Variants in PITPNC1 observed in about 807,000 individuals in gnomAD.
PITPNC1 encodes phosphatidylinositol transfer protein cytoplasmic 1.
A neutral mutation model predicts 44.7 loss-of-function variants in PITPNC1; 18 were observed. That is an observed-to-expected ratio of 0.40 (90% confidence interval 0.28 to 0.60). The LOEUF is 0.60. Ranked by LOEUF, PITPNC1 falls within the 20% of genes least tolerant of loss-of-function variation. PITPNC1 has a pLI of 0.39. For missense variants in PITPNC1, 290 were observed against 418.4 expected (o/e 0.69, Z 2.68); for synonymous variants, 141 against 149.6 (o/e 0.94, Z 0.42).
At chr17:67,391,712 C>G (rs113471136) in intron 1 of PITPNC1, among the ~76,000 whole-genome samples, 4,835 of 152,170 alleles carry the variant, frequency 0.032, 254 homozygotes, top group African/African-American at 0.11. Context: ...AACTCCTGAC[C>G]TCAGGTGATC....
intron 5 of PITPNC1, among the ~76,000 whole-genome samples, chr17:67,595,871 G>A (rs557477370): frequency 1.3e-5 from 2 of 152,152 alleles, no homozygotes; most frequent in South Asian, 4.2e-4. Flanking sequence ...GTAAAGACAT[G>A]GTCATAAATA....
intron 1 of PITPNC1, among the ~76,000 whole-genome samples, chr17:67,507,106 A>T (rs1217358834): frequency 6.6e-6 from 1 of 152,188 alleles, no homozygotes; most frequent in African/African-American, 2.4e-5. Context: ...AGTCACTGTG[A>T]CCTCTTAGAA....
chr17:67,569,225 T>C (rs1183255496), intron 4 of PITPNC1, among the ~76,000 whole-genome samples: 1 of 152,244 alleles, frequency 6.6e-6, no homozygotes, highest in Non-Finnish European at 1.5e-5. Context: ...GTGTTTCTTA[T>C]TGCCATAGCA....
chr17:67,602,056 G>T (rs2041547307), intron 5 of PITPNC1, among the ~76,000 whole-genome samples: 1 of 152,162 alleles, frequency 6.6e-6, no homozygotes, highest in Non-Finnish European at 1.5e-5. Context: ...GAAAGTCTTG[G>T]CAGTGTGGTG....
chr17:67,446,609 G>C (rs2039099326), intron 1 of PITPNC1, among the ~76,000 whole-genome samples: 1 of 151,450 alleles, frequency 6.6e-6, no homozygotes, highest in Non-Finnish European at 1.5e-5. Flanking sequence ...GGAGGACAAA[G>C]AGAGATACTT....
intron 1 of PITPNC1, among the ~76,000 whole-genome samples, chr17:67,439,575 G>C (rs1412634349): frequency 6.6e-6 from 1 of 152,082 alleles, no homozygotes; most frequent in Non-Finnish European, 1.5e-5. Flanking sequence ...TTGGGCGGGG[G>C]CCTGACATTA....
chr17:67,617,266 G>A (rs1346887654), intron 5 of PITPNC1, among the ~76,000 whole-genome samples: 1 of 152,224 alleles, frequency 6.6e-6, no homozygotes, highest in African/African-American at 2.4e-5. Context: ...AGCACTTCGG[G>A]AGGCCGAGGT....
rs1371074544 is a variant in PITPNC1, at chr17:67,694,670, T to G, written c.*1782T>G. The G allele has an allele frequency of 3.3e-5, 5 of 152,230 alleles. No individual in the cohort carries two copies. Among genetic ancestry groups the G allele is most frequent in the Non-Finnish European group, 5.9e-5 (4 of 68,034 alleles). The allele number at this position is 152,230 out of a possible 1,614,324, so 9.4% of individuals were successfully genotyped here. On this transcript the variant is annotated 3_prime_UTR_variant, in exon 9 of 9. Coordinates refer to ENST00000581322, the MANE Select transcript of PITPNC1 (RefSeq NM_012417.4). Reference sequence around the variant, plus strand: ...CAAAGGAAACCTGTTGCAAATAGCTTAGATCAACAGTGTATCTCTTCCCTA... The same window carrying G: ...CAAAGGAAACCTGTTGCAAATAGCTGAGATCAACAGTGTATCTCTTCCCTA...
At chr17:67,507,541 C>T (rs1023219781) in intron 1 of PITPNC1, among the ~76,000 whole-genome samples, 2 of 151,710 alleles carry the variant, frequency 1.3e-5, no homozygotes. Flanking sequence ...AAAAATTAGC[C>T]AGGCGTGGTG....
chr17:67,423,151 T>C (rs76144163), intron 1 of PITPNC1, among the ~76,000 whole-genome samples: 29 of 152,326 alleles, frequency 1.9e-4, no homozygotes, highest in Admixed American at 6.5e-4. Context: ...GTCTGCGTTA[T>C]TAACTTGTTC....
chr17:67,390,631 G>A (rs948738901), intron 1 of PITPNC1, among the ~76,000 whole-genome samples: 2 of 152,150 alleles, frequency 1.3e-5, no homozygotes, highest in African/African-American at 4.8e-5. Flanking sequence ...TCTAAGGGTG[G>A]CTAACTGGCT....
At chr17:67,598,319 AT>A (rs2041486766) in intron 5 of PITPNC1, among the ~76,000 whole-genome samples, 1 of 152,220 alleles carries the variant, frequency 6.6e-6, no homozygotes, top group African/African-American at 2.4e-5. Context: ...GGATGGAGCA[AT>A]TAGCTCAGTG....
At chr17:67,682,362 T>A (rs2042725855) in intron 8 of PITPNC1, among the ~76,000 whole-genome samples, 1 of 152,138 alleles carries the variant, frequency 6.6e-6, no homozygotes, top group South Asian at 2.1e-4. Flanking sequence ...GACCAGAGCC[T>A]CTTTGCCAAA....
At chr17:67,593,296 CTTTT>C (rs922424785) in intron 5 of PITPNC1, among the ~76,000 whole-genome samples, 1 of 138,278 alleles carries the variant, frequency 7.2e-6, no homozygotes, top group Non-Finnish European at 1.6e-5. Context: ...GAAATTTTCT[CTTTT>C]TTTTTTTTTT....
Position 67,463,306 on chromosome 17 carries a change from GT to G in PITPNC1, c.49-69487del, listed in dbSNP as rs543896463. Among the ~76,000 whole-genome samples, 1,153 of 151,690 alleles carry G rather than the reference GT, an allele frequency of 7.6e-3. 14 individuals carry two copies. Among genetic ancestry groups the G allele is most frequent in the African/African-American group, 0.025 (1,024 of 41,374 alleles). ...GGGATTGAAAGCTTGATTTTGATCAGTTTTTTTTTAAACTTATGTGCATTAT... is the reference window on the plus strand; with the variant it reads ...GGGATTGAAAGCTTGATTTTGATCAGTTTTTTTTAAACTTATGTGCATTAT... On this transcript the variant is annotated intron_variant, in intron 1 of 8. Transcript: ENST00000581322.
chr17:67,678,923 G>C (rs1488849416), intron 8 of PITPNC1, among the ~76,000 whole-genome samples: 1 of 152,196 alleles, frequency 6.6e-6, no homozygotes, highest in East Asian at 1.9e-4. Flanking sequence ...GTCTAGCACT[G>C]GTTCTCAAAG....
chr17:67,553,731 A>G (rs2570046), intron 4 of PITPNC1, 114 bp downstream of exon 4: 370,393 of 448,298 alleles, frequency 0.83, 153,402 homozygotes, highest in African/African-American at 0.91. Flanking sequence ...GAATAATTCC[A>G]AGTCAGAAAT....
intron 1 of PITPNC1, among the ~76,000 whole-genome samples, chr17:67,469,603 G>C (rs1465554848): frequency 6.6e-6 from 1 of 152,132 alleles, no homozygotes; most frequent in Non-Finnish European, 1.5e-5. Flanking sequence ...CGTCAGACCC[G>C]TGGGAGTTCA....
At chr17:67,589,438 C>G (rs2041362028) in intron 5 of PITPNC1, among the ~76,000 whole-genome samples, 1 of 152,150 alleles carries the variant, frequency 6.6e-6, no homozygotes, top group Non-Finnish European at 1.5e-5. Context: ...CTCTGATGTG[C>G]TAGTATCAAG....
Sources: allele counts gnomAD v4.1 joint callset (sites outside exome capture counted in the v4.1 genomes callset), GRCh38; gene constraint gnomAD v4.1.1; transcripts MANE v1.5; gene names NCBI Gene and HGNC (gene_info 2026-07-23, HGNC 2026-07-21).